The following LIMS4 variants were observed in gnomAD, a reference collection of about 807,000 sequenced individuals.
LIMS4 encodes the protein LIM and senescent cell antigen-like-containing domain protein 4.
the LIMS4 span, among the ~76,000 whole-genome samples, chr2:110,410,483 CAAAAAAAA>C: frequency 6.1e-4 from 9 of 14,780 alleles, no homozygotes; most frequent in African/African-American, 8.3e-4. Context: ...GATTCCGTCT[CAAAAAAAA>C]AAAAAAAAAA....
the LIMS4 span, among the ~76,000 whole-genome samples, chr2:110,368,075 T>G: frequency 6.9e-6 from 1 of 145,714 alleles, no homozygotes; most frequent in Non-Finnish European, 1.5e-5. Flanking sequence ...TAAACATTTA[T>G]AGCATACATA....
chr2:110,361,710 G>T, the LIMS4 span: 4 of 643,190 alleles, frequency 6.2e-6, no homozygotes, highest in Non-Finnish European at 1.1e-5. Flanking sequence ...GACACCTTCT[G>T]GTTTTCAATG....
At chr2:110,425,738 C>T in the LIMS4 span, among the ~76,000 whole-genome samples, 1 of 140,824 alleles carries the variant, frequency 7.1e-6, no homozygotes, top group Admixed American at 6.9e-5. Context: ...GTTCTGCTGA[C>T]AATTTGAATG....
At chr2:110,366,602 G>C in the LIMS4 span, among the ~76,000 whole-genome samples, 1 of 151,938 alleles carries the variant, frequency 6.6e-6, no homozygotes, top group African/African-American at 2.4e-5. Flanking sequence ...ACAGGCAGAA[G>C]CTGGGATCAT....
At chr2:110,367,615 A>T in the LIMS4 span, among the ~76,000 whole-genome samples, 1 of 143,996 alleles carries the variant, frequency 6.9e-6, no homozygotes, top group African/African-American at 2.9e-5. Context: ...ACTTCGAACT[A>T]TAAAAACTCC....
chr2:110,396,062 G>GT, the LIMS4 span, among the ~76,000 whole-genome samples: 1 of 132,572 alleles, frequency 7.5e-6, no homozygotes, highest in Non-Finnish European at 1.6e-5. Context: ...GAGAGCACAG[G>GT]TAAGGCAGGG....
chr2:110,366,020 A>G, the LIMS4 span, among the ~76,000 whole-genome samples: 1 of 151,310 alleles, frequency 6.6e-6, no homozygotes, highest in East Asian at 1.9e-4. Context: ...TTGAAATTGA[A>G]TCAGTAATAA....
intron 5 of LIMS4, among the ~76,000 whole-genome samples, chr2:110,453,929 C>CA (rs1356973916): frequency 7.3e-5 from 9 of 123,940 alleles, no homozygotes; most frequent in Non-Finnish European, 1.3e-4. Flanking sequence ...TTATTGAAGA[C>CA]AAAAAATTAA....
At chr2:110,361,825 C>T in the LIMS4 span, 1 of 802,986 alleles carries the variant, frequency 1.2e-6, no homozygotes, top group Non-Finnish European at 2.2e-6. Context: ...TGCTAGGATG[C>T]TGTGTGTAGG....
At chr2:110,411,266 A>AT in the LIMS4 span, among the ~76,000 whole-genome samples, 2 of 116,582 alleles carry the variant, frequency 1.7e-5, 1 homozygote, top group African/African-American at 7.7e-5. Context: ...AATATCAATT[A>AT]TTTTTTTCAT....
chr2:110,425,171 T>C, the LIMS4 span, among the ~76,000 whole-genome samples: 21 of 143,644 alleles, frequency 1.5e-4, 4 homozygotes, highest in African/African-American at 6.0e-4. Flanking sequence ...ACAAGAGGAT[T>C]GTTCAAGCCC....
chr2:110,382,720 C>A, the LIMS4 span: 1 of 67,310 alleles, frequency 1.5e-5, no homozygotes, highest in Non-Finnish European at 2.6e-5. Context: ...CATAAATGAA[C>A]CTTGCAAACT....
the LIMS4 span, among the ~76,000 whole-genome samples, chr2:110,372,611 T>A: frequency 5.4e-5 from 8 of 148,794 alleles, no homozygotes; most frequent in Non-Finnish European, 1.0e-4. Flanking sequence ...GTTCAAGCAA[T>A]TCTCCTACCT....
chr2:110,365,746 T>C, the LIMS4 span, among the ~76,000 whole-genome samples: 1 of 133,994 alleles, frequency 7.5e-6, no homozygotes, highest in Non-Finnish European at 1.5e-5. Context: ...AACCAGAAGT[T>C]TTTTTTAAAG....
the LIMS4 span, among the ~76,000 whole-genome samples, chr2:110,365,786 G>A: frequency 1.4e-5 from 2 of 138,622 alleles, no homozygotes; most frequent in Middle Eastern, 3.4e-3. Context: ...ACGCTAACTA[G>A]ACTAACAGCA....
chr2:110,392,544 T>A, the LIMS4 span, among the ~76,000 whole-genome samples: 1 of 152,040 alleles, frequency 6.6e-6, no homozygotes, highest in Non-Finnish European at 1.5e-5. Flanking sequence ...GAGGAGTAGG[T>A]CTGCCCCGAT....
the LIMS4 span, chr2:110,386,671 T>A: frequency 4.2e-6 from 3 of 713,798 alleles, no homozygotes; most frequent in Non-Finnish European, 4.7e-6. Flanking sequence ...CAGTGGTGCC[T>A]CCTGCAGCTC....
At chr2:110,411,309 T>A in the LIMS4 span, among the ~76,000 whole-genome samples, 2 of 131,824 alleles carry the variant, frequency 1.5e-5, no homozygotes, top group Non-Finnish European at 3.1e-5. Context: ...AGAATACAGT[T>A]CCCAGGACAT....
the LIMS4 span, among the ~76,000 whole-genome samples, chr2:110,392,058 C>T: frequency 2.0e-5 from 3 of 151,922 alleles, no homozygotes; most frequent in African/African-American, 7.3e-5. Flanking sequence ...ACTTGCACAG[C>T]ACATTGACTT....
Sources: gnomAD v4.1 joint callset for allele counts (sites outside exome capture counted in the v4.1 genomes callset) on GRCh38, gnomAD v4.1.1 for gene constraint, MANE v1.5 for transcripts, NCBI Gene and HGNC (gene_info 2026-07-23, HGNC 2026-07-21) for gene names.